WIZ: variants seen among roughly 807,000 people sequenced by gnomAD.
WIZ encodes the protein WIZ zinc finger.
A neutral mutation model predicts 140.2 loss-of-function variants in WIZ; 25 were observed. The ratio of observed to expected loss-of-function variants is 0.18; its 90% CI spans 0.13 to 0.25. The LOEUF is 0.25. Ranked by LOEUF, WIZ falls within the 10% of genes least tolerant of loss-of-function variation. The pLI is 1.00. For synonymous variants in WIZ, 1,125 were observed against 1,154.3 expected (o/e 0.97, Z 0.51); for missense variants, 2,231 against 2,632.6 (o/e 0.85, Z 3.34).
chr19:15,448,265 G>T lies in WIZ; in HGVS notation c.43C>A (p.Pro15Thr). 1 of 1,613,482 alleles carries T rather than the reference G, an allele frequency of 6.2e-7. No homozygotes were observed. Among genetic ancestry groups the T allele is most frequent in the Non-Finnish European group, 8.5e-7 (1 of 1,179,892 alleles). Residue 15 changes from proline (P) to threonine (T), a missense_variant, in exon 2 of 13, where the codon CCC (proline) becomes ACC (threonine). Pro to Thr is a conservative substitution (Grantham distance 38, BLOSUM62 -1). This residue lies in a region of WIZ where 85 missense variants were observed against 90.9 expected (regional missense o/e 0.94). Transcript: ENST00000673675. ...LAGSLAAPDR[P>T]QGPERLPGPA... Reference sequence around the variant, plus strand: ...CCAGGCAGTCTCTCTGGGCCTTGGGGACGATCTGGTGCAGCCAGGCTGCCT... The same window carrying T: ...CCAGGCAGTCTCTCTGGGCCTTGGGTACGATCTGGTGCAGCCAGGCTGCCT...
rs993940555 is a variant in WIZ, at chr19:15,438,884, A to C, written c.2110T>G (p.Leu704Val). 6.9e-7 allele frequency: 1 copy of C among 1,455,908 alleles called. No homozygotes were observed. The highest frequency in any genetic ancestry group is 2.5e-5 in the East Asian group (1 of 40,048). 90.2% of individuals were successfully genotyped at this position (1,455,908 alleles called of 1,614,324 possible). Residue 704 changes from leucine to valine, a missense_variant, in exon 4 of 13, where the codon TTG (leucine) becomes GTG (valine). Physicochemically the swap from Leu to Val is conservative, Grantham distance 32 (BLOSUM62 1). This residue lies in a region of WIZ where 475 missense variants were observed against 520.2 expected (regional missense o/e 0.91). Coordinates refer to ENST00000673675, the MANE Select transcript of WIZ (RefSeq NM_001371589.1). ...GCCAGCCCCAGCTCCTCGGGCTGCA[A>C]CCTTGGGGGCACCCTGGCTGCCGCC... Reference protein sequence around the residue: ...VMAAARVPPRLQPEELGLAGA... With the variant: ...VMAAARVPPRVQPEELGLAGA...
chr19:15,434,506 T>C (rs1050174598), intron 5 of WIZ, among the ~76,000 whole-genome samples: 1 of 147,564 alleles, frequency 6.8e-6, no homozygotes, highest in Non-Finnish European at 1.5e-5. Context: ...GAGCTTGTAG[T>C]GAGCCGAGAT....
chr19:15,424,052 G>A lies in WIZ; in HGVS notation c.5510+131C>T. On this transcript the variant is annotated intron_variant, in intron 12 of 12. Coordinates refer to ENST00000673675, the MANE Select transcript of WIZ (RefSeq NM_001371589.1). This position sits in a 1 kb window ranked among gnomAD's most constrained non-coding sequence, Gnocchi z 9.7. ...CTCAGGGTGTCAGCCTTTAGCCTGA[G>A]CCCCACCACACCCAAGGGCAGCCAC... 2.4e-6 allele frequency: 2 copies of A among 826,510 alleles called. No homozygotes were observed. Among genetic ancestry groups the A allele is most frequent in the Non-Finnish European group, 3.5e-6 (2 of 565,242 alleles). The allele number at this position is 826,510 out of a possible 1,614,324, so 51.2% of individuals were successfully genotyped here.
intron 2 of WIZ, 95 bp downstream of exon 2, chr19:15,448,008 A>C (rs527706730): frequency 7.0e-7 from 1 of 1,433,118 alleles, no homozygotes; most frequent in Non-Finnish European, 9.6e-7. Flanking sequence ...TCAGCATCCC[A>C]GCTCAGCCGC....
intron 5 of WIZ, among the ~76,000 whole-genome samples, chr19:15,434,210 A>G (rs1197247198): frequency 6.7e-6 from 1 of 148,696 alleles, no homozygotes; most frequent in East Asian, 2.0e-4. Context: ...GTGAGCCAAG[A>G]TCGTGCCACT....
intron 5 of WIZ, chr19:15,432,462 C>A (rs1969315689): frequency 2.0e-6 from 2 of 983,444 alleles, no homozygotes; most frequent in African/African-American, 1.8e-5. Flanking sequence ...CGGGCCCGGG[C>A]CCCGGCTCCG....
intron 5 of WIZ, chr19:15,433,284 T>C: frequency 7.1e-6 from 7 of 985,416 alleles, no homozygotes; most frequent in Non-Finnish European, 8.4e-6. Flanking sequence ...AATCACCGCC[T>C]GCTTCTCTCT....
intron 5 of WIZ, among the ~76,000 whole-genome samples, chr19:15,432,071 AC>A (rs1568301989): frequency 6.6e-6 from 1 of 152,030 alleles, no homozygotes; most frequent in Non-Finnish European, 1.5e-5. Context: ...GGCGCTGAGG[AC>A]TGGGGCACCG....
Position 15,424,276 on chromosome 19 carries a change from G to A in WIZ, c.5417C>T (p.Pro1806Leu), listed in dbSNP as rs1968566648. The A allele has an allele frequency of 3.1e-6, 5 of 1,590,628 alleles. No homozygotes were observed. The highest frequency in any genetic ancestry group is 8.5e-7 in the Non-Finnish European group (1 of 1,171,906). The change falls in exon 12 of 13, where the codon CCA (proline) becomes CTA (leucine). Residue 1806 changes from proline (P) to leucine (L), a missense_variant. Physicochemically the swap from Pro to Leu is moderately conservative, Grantham distance 98 (BLOSUM62 -3). Transcript: ENST00000673675. This position sits in a 1 kb window ranked among gnomAD's most constrained non-coding sequence, Gnocchi z 9.7. Reference protein sequence around the residue: ...QQKLEEVRQPPPRVRPVPSLV... With the variant: ...QQKLEEVRQPLPRVRPVPSLV... ...GGAGGGGACTGGCCGGACTCGGGGT[G>A]GGGGTTGCCGCACCTCCTCCAGCTT...
intron 5 of WIZ, 99 bp downstream of exon 5, chr19:15,436,706 TC>T: frequency 7.9e-7 from 1 of 1,258,806 alleles, no homozygotes; most frequent in South Asian, 1.7e-5. Context: ...TCAAAATGCT[TC>T]CAGGAAAGCT....
chr19:15,424,807 G>A lies in WIZ; in HGVS notation c.5120C>T (p.Ala1707Val). 1 of 1,605,854 alleles carries A rather than the reference G, an allele frequency of 6.2e-7. No individual in the cohort carries two copies. The part of the protein sequence containing the change: ...GRPFTKKFRS[A>V]GHGRDSDKRP... ...CTTGTCACTGTCACGGCCATGGCCG[G>A]CACTGCGGAACTTCTTGGTGAAGGG... Residue 1707 changes from alanine to valine, a missense_variant, in exon 11 of 13, where the codon GCC becomes GTC. Physicochemically the swap from Ala to Val is moderately conservative, Grantham distance 64. Transcript: ENST00000673675. This position sits in a 1 kb window ranked among gnomAD's most constrained non-coding sequence, Gnocchi z 9.7.
intron 2 of WIZ, among the ~76,000 whole-genome samples, chr19:15,447,553 G>A (rs905799182): frequency 2.0e-5 from 3 of 152,220 alleles, no homozygotes; most frequent in Non-Finnish European, 4.4e-5. Flanking sequence ...CTGGCACACC[G>A]AAGGTGCTCA....
At chr19:15,432,375 A>T in intron 5 of WIZ, 1 of 936,178 alleles carries the variant, frequency 1.1e-6, no homozygotes, top group East Asian at 1.2e-4. Flanking sequence ...GGGCGGCGGC[A>T]CCGGCAGGCG....
rs773319716 is a variant in WIZ, at chr19:15,424,353, A to G, written c.5340T>C (p.Pro1780=). Reference sequence around the variant, plus strand: ...CTCCCCGGGCTGCGGAGGCATCTGGAGGGCGGGCTTGTCGGCGTTCAAATT... The same window carrying G: ...CTCCCCGGGCTGCGGAGGCATCTGGGGGGCGGGCTTGTCGGCGTTCAAATT... ...INKFERRQAR[P]PDASAARGGE... The change falls in exon 12 of 13, where the codon CCT becomes CCC. Residue 1780 remains proline, a synonymous_variant. Transcript: ENST00000673675. This position sits in a 1 kb window ranked among gnomAD's most constrained non-coding sequence, Gnocchi z 9.7. 1.2e-5 allele frequency: 20 copies of G among 1,601,656 alleles called. No homozygotes were observed. The highest frequency in any genetic ancestry group is 1.7e-5 in the Non-Finnish European group (20 of 1,176,420).
rs748755741 is a variant in WIZ at position 15,421,265 on chromosome 19, G to A, written c.*1811C>T. The A allele has an allele frequency of 1.2e-4, 18 of 152,420 alleles. No homozygotes were observed. Among genetic ancestry groups the A allele is most frequent in the East Asian group, 3.9e-4 (2 of 5,176 alleles). The allele number at this position is 152,420 out of a possible 1,614,324, so 9.4% of individuals were successfully genotyped here. On this transcript the variant is annotated 3_prime_UTR_variant, in exon 13 of 13. Coordinates refer to ENST00000673675, the MANE Select transcript of WIZ (RefSeq NM_001371589.1). ...GCACAGGATGGAGAGAAGTGGTTGC[G>A]GCCTTCTGCCACCAGGCGAGATGTG...
chr19:15,439,076 C>T lies in WIZ; in HGVS notation c.1918G>A (p.Val640Ile). The part of the protein sequence containing the change: ...SEMDFSPENG[V>I]FSPLATPSLI... ...CTGGGGGTGGCTAGGGGTGAAAAGA[C>T]CCCATTTTCAGGGGAAAAATCCATC... is the stretch of plus-strand genomic sequence containing the variant. The change falls in exon 4 of 13, where the codon GTC becomes ATC. Residue 640 changes from valine to isoleucine, a missense_variant. This residue lies in a region of WIZ where 475 missense variants were observed against 520.2 expected (regional missense o/e 0.91). Transcript: ENST00000673675. The surrounding 1 kb of genome is among the most constrained non-coding windows in gnomAD (Gnocchi z 7.0). 2 of 1,487,996 alleles carry T rather than the reference C, an allele frequency of 1.3e-6. No individual in the cohort carries two copies. The highest frequency in any genetic ancestry group is 1.8e-6 in the Non-Finnish European group (2 of 1,122,126). The allele number at this position is 1,487,996 out of a possible 1,614,324, so 92.2% of individuals were successfully genotyped here.
At position 15,424,250 on chromosome 19, in the gene WIZ, G is replaced by C. The variant is rs767950670; in HGVS notation, c.5443C>G (p.Leu1815Val). The C allele has an allele frequency of 1.4e-4, 221 of 1,588,124 alleles. No homozygotes were observed. Among genetic ancestry groups the C allele is most frequent in the Non-Finnish European group, 1.7e-4 (201 of 1,170,084 alleles). Residue 1815 changes from leucine (L) to valine (V), a missense_variant, in exon 12 of 13, where the codon CTG (leucine) becomes GTG (valine). Physicochemically the swap from Leu to Val is conservative, Grantham distance 32 (BLOSUM62 1). Around this residue, in one of 15 missense-constraint regions of WIZ, gnomAD observed 299 missense variants for 309.6 expected, o/e 0.97. Transcript: ENST00000673675. The surrounding 1 kb of genome is among the most constrained non-coding windows in gnomAD (Gnocchi z 9.7). ...PPPRVRPVPS[L>V]VPRPPQTSLV... ...GATGTCTGGGGGGGCCGGGGCACCA[G>C]GGAGGGGACTGGCCGGACTCGGGGT... is the stretch of plus-strand genomic sequence containing the variant.
chr19:15,431,234 C>T (rs1054887381), intron 5 of WIZ, 52 bp from the exon 6 acceptor site: 121 of 1,450,696 alleles, frequency 8.3e-5, no homozygotes, highest in Non-Finnish European at 1.1e-4. Flanking sequence ...GCTGTCTATA[C>T]CCAGAACTAA....
chr19:15,430,926 C>T, intron 6 of WIZ, 86 bp downstream of exon 6: 1 of 1,411,534 alleles, frequency 7.1e-7, no homozygotes, highest in Non-Finnish European at 9.3e-7. Flanking sequence ...ACCTTGGGCC[C>T]CACATTAACC....
Sources: gnomAD v4.1 joint callset for allele counts (sites outside exome capture counted in the v4.1 genomes callset) on GRCh38, gnomAD v4.1.1 for gene constraint, gnomAD v4.1.1 regional missense constraint, Gnocchi (gnomAD v3.1) non-coding constraint, MANE v1.5 for transcripts, NCBI Gene and HGNC (gene_info 2026-07-23, HGNC 2026-07-21) for gene names.